The following NME7 variants were observed in gnomAD, a reference collection of about 807,000 sequenced individuals.
NME7 encodes the protein nucleoside diphosphate kinase 7.
Under a neutral mutation model 49.1 loss-of-function variants are expected in NME7, and 41 were observed. That is an observed-to-expected ratio of 0.83 (90% CI 0.65 to 1.08). The LOEUF is 1.08. NME7 is among the 50% of genes least tolerant of loss of function. The pLI is 0.00. For missense variants in NME7, 423 were observed against 463.4 expected (o/e 0.91, Z 0.80); for synonymous variants, 139 against 150.6 (o/e 0.92, Z 0.56).
rs199726128 is a variant in NME7 at position 169,273,627 on chromosome 1, A to T, written c.754+13676T>A. Among the ~76,000 whole-genome samples, 921 of 115,430 alleles carry T rather than the reference A, an allele frequency of 8.0e-3. 5 individuals are homozygous for T. Among genetic ancestry groups the T allele is most frequent in the Non-Finnish European group, 0.013 (619 of 47,368 alleles). The allele number at this position is 115,430 out of a possible 152,430, so 75.7% of individuals were successfully genotyped here. A position where few individuals can be genotyped will look rare whatever the true frequency, so the allele number is the denominator to read the frequency against. On this transcript the variant is annotated intron_variant, in intron 7 of 11. Transcript: ENST00000367811. Reference sequence around the variant, plus strand: ...CCCTCCCCACTCCCCCTACCCCACAACAGTCCCCAGAGTGTGATGTTCCCC... The same window carrying T: ...CCCTCCCCACTCCCCCTACCCCACATCAGTCCCCAGAGTGTGATGTTCCCC...
intron 10 of NME7, among the ~76,000 whole-genome samples, chr1:169,218,041 A>T: frequency 6.6e-6 from 1 of 152,168 alleles, no homozygotes; most frequent in East Asian, 1.9e-4. Context: ...AGAAACACAA[A>T]TATCTCAGAC....
At chr1:169,317,514 T>C (rs1247103293) in intron 3 of NME7, among the ~76,000 whole-genome samples, 1 of 152,142 alleles carries the variant, frequency 6.6e-6, no homozygotes, top group Non-Finnish European at 1.5e-5. Context: ...AGAAAAAGAT[T>C]GGGGGTGAGT....
At chr1:169,189,995 A>G (rs1660171838) in intron 10 of NME7, among the ~76,000 whole-genome samples, 1 of 152,198 alleles carries the variant, frequency 6.6e-6, no homozygotes, top group Non-Finnish European at 1.5e-5. Flanking sequence ...ATAATTTTCA[A>G]AAGAAACTAT....
chr1:169,209,765 T>C (rs1325321463), intron 10 of NME7, among the ~76,000 whole-genome samples: 1 of 152,112 alleles, frequency 6.6e-6, no homozygotes, highest in African/African-American at 2.4e-5. Flanking sequence ...ATCTCTTTAG[T>C]TACCTTGTAG....
chr1:169,178,129 G>C (rs1484360976), intron 10 of NME7, among the ~76,000 whole-genome samples: 1 of 152,044 alleles, frequency 6.6e-6, no homozygotes, highest in Non-Finnish European at 1.5e-5. Context: ...GTGAGCCACC[G>C]TGCCCAGCCT....
intron 4 of NME7, 62 bp from the exon 5 acceptor site, chr1:169,303,257 C>A: frequency 1.3e-6 from 1 of 761,798 alleles, no homozygotes; most frequent in Non-Finnish European, 2.0e-6. Context: ...ATTATTTTAG[C>A]TTACATTAAT....
intron 6 of NME7, among the ~76,000 whole-genome samples, chr1:169,292,873 A>G (rs1411325546): frequency 3.9e-5 from 6 of 152,200 alleles, no homozygotes; most frequent in African/African-American, 1.4e-4. Flanking sequence ...GAAAATGTTC[A>G]GAAGGAAAAA....
intron 7 of NME7, among the ~76,000 whole-genome samples, chr1:169,245,044 G>A (rs1347371308): frequency 1.3e-5 from 2 of 152,154 alleles, no homozygotes; most frequent in Non-Finnish European, 2.9e-5. Context: ...CACAAGAATC[G>A]CTTGAACCCA....
chr1:169,342,549 A>G (rs1652760341), intron 1 of NME7, among the ~76,000 whole-genome samples: 1 of 123,512 alleles, frequency 8.1e-6, no homozygotes, highest in Non-Finnish European at 1.7e-5. Flanking sequence ...TATATAGTAT[A>G]TATATATATA....
At chr1:169,211,709 A>C (rs1209767832) in intron 10 of NME7, among the ~76,000 whole-genome samples, 2 of 152,150 alleles carry the variant, frequency 1.3e-5, no homozygotes, top group African/African-American at 4.8e-5. Flanking sequence ...TATGATACTT[A>C]ATGGCAGGAA....
chr1:169,292,718 C>T (rs761434739), intron 6 of NME7, among the ~76,000 whole-genome samples: 47 of 151,942 alleles, frequency 3.1e-4, no homozygotes, highest in African/African-American at 6.0e-4. Flanking sequence ...ATGAGATTGA[C>T]GGATTAATAT....
At chr1:169,345,795 G>T (rs1652932242) in intron 1 of NME7, among the ~76,000 whole-genome samples, 1 of 152,032 alleles carries the variant, frequency 6.6e-6, no homozygotes, top group Non-Finnish European at 1.5e-5. Flanking sequence ...CTATCCAACT[G>T]CCTTTTATCT....
intron 6 of NME7, among the ~76,000 whole-genome samples, chr1:169,287,625 A>T (rs1046081762): frequency 6.6e-6 from 1 of 152,210 alleles, no homozygotes; most frequent in African/African-American, 2.4e-5. Context: ...AGAAGTATCA[A>T]TCAAAGCAAT....
intron 11 of NME7, among the ~76,000 whole-genome samples, chr1:169,141,268 A>T (rs1313826386): frequency 6.6e-6 from 1 of 152,216 alleles, no homozygotes; most frequent in Non-Finnish European, 1.5e-5. Context: ...CCCTCACTTA[A>T]TTTGGCATTT....
intron 9 of NME7, among the ~76,000 whole-genome samples, chr1:169,231,362 G>A (rs12117362): frequency 1.3e-5 from 2 of 152,028 alleles, no homozygotes; most frequent in Non-Finnish European, 2.9e-5. Context: ...CTGTAGAATT[G>A]CTCTGTCTTA....
chr1:169,276,489 T>C, intron 7 of NME7, among the ~76,000 whole-genome samples: 1 of 133,894 alleles, frequency 7.5e-6, no homozygotes, highest in Non-Finnish European at 1.7e-5. Context: ...GTGTTTGTAG[T>C]ATTCTCTGAT....
rs1225483057 is a variant in NME7, at chr1:169,270,591, C to T, written c.754+16712G>A. 2.2e-5 allele frequency among the ~76,000 whole-genome samples: 3 copies of T among 133,918 alleles called. 1 individual carries two copies. In the East Asian group the frequency reaches 5.9e-4, roughly 26 times the overall value. 87.9% of individuals were successfully genotyped at this position (133,918 alleles called of 152,430 possible). ...ACTTTGTTACAAGACAGTCATTCAA[C>T]TTTGCTTAAAAATTAAAAGATAATG... On this transcript the variant is annotated intron_variant, in intron 7 of 11. Transcript: ENST00000367811.
chr1:169,338,173 T>C (rs1652554310), intron 1 of NME7, among the ~76,000 whole-genome samples: 1 of 152,220 alleles, frequency 6.6e-6, no homozygotes, highest in African/African-American at 2.4e-5. Context: ...AAGTATACCA[T>C]TGCAATCACT....
chr1:169,296,631 TAACA>T (rs2101904584), intron 6 of NME7, among the ~76,000 whole-genome samples: 1 of 152,312 alleles, frequency 6.6e-6, no homozygotes, highest in East Asian at 1.9e-4. Context: ...ATTGGAAAAC[TAACA>T]AACAGGTTAA....
Sources: gnomAD v4.1 joint callset for allele counts (sites outside exome capture counted in the v4.1 genomes callset) on GRCh38, gnomAD v4.1.1 for gene constraint, MANE v1.5 for transcripts, NCBI Gene and HGNC (gene_info 2026-07-23, HGNC 2026-07-21) for gene names.